ADAM7: variants seen among roughly 807,000 people sequenced by gnomAD.
ADAM7 encodes disintegrin and metalloproteinase domain-containing protein 7.
ADAM7 carries 97 observed loss-of-function variants against 102.9 expected under a neutral mutation model. The ratio of observed to expected loss-of-function variants is 0.94; its 90% CI spans 0.80 to 1.12. The LOEUF (loss-of-function observed/expected upper bound fraction) is 1.12, where lower values mean the gene tolerates loss of function less well. ADAM7 is among the 50% of genes most tolerant of loss of function. ADAM7 has a pLI of 0.00. For missense variants in ADAM7, 991 were observed against 908.7 expected, an observed-to-expected ratio of 1.09 and a Z score of -1.16; for synonymous variants, 334 against 304.4, an observed-to-expected ratio of 1.10 and a Z score of -1.01.
At position 24,487,266 on chromosome 8, in the gene ADAM7, A is replaced by T; in HGVS notation, c.1040A>T (p.Glu347Val). The T allele has an allele frequency of 6.2e-7, 1 of 1,613,964 alleles. No individual in the cohort carries two copies. Among genetic ancestry groups the T allele is most frequent in the Non-Finnish European group, 8.5e-7 (1 of 1,179,894 alleles). ...LGHNLGMQHDEFPCTCPSGKC... is the reference protein window; with the variant it reads ...LGHNLGMQHDVFPCTCPSGKC... ...CATAACCTTGGGATGCAGCATGACG[A>T]GTTCCCATGCACCTGTCCTTCAGGA... Residue 347 changes from glutamate (E) to valine (V), a missense_variant, in exon 11 of 22, where the codon GAG becomes GTG. Coordinates refer to ENST00000175238, the MANE Select transcript of ADAM7 (RefSeq NM_003817.4).
intron 16 of ADAM7, among the ~76,000 whole-genome samples, chr8:24,496,862 G>A (rs575853313): frequency 1.3e-5 from 2 of 152,300 alleles, no homozygotes; most frequent in Admixed American, 6.5e-5. Flanking sequence ...GTGGACTTTT[G>A]AGTTAATGCT....
intron 3 of ADAM7, among the ~76,000 whole-genome samples, chr8:24,460,618 A>T (rs946703368): frequency 1.3e-4 from 20 of 151,984 alleles, no homozygotes; most frequent in African/African-American, 4.8e-4. Context: ...ATTAAGTTAT[A>T]GTTAATGTCA....
intron 13 of ADAM7, 30 bp from the exon 14 acceptor site, chr8:24,491,873 G>T (rs1416642588): frequency 1.3e-6 from 2 of 1,543,288 alleles, no homozygotes; most frequent in Non-Finnish European, 1.7e-6. Flanking sequence ...AATGTATCCA[G>T]GATTTAGTCT....
In ADAM7 at chr8:24,463,882, G is replaced by C; in HGVS notation, c.234G>C (p.Arg78Ser). Residue 78 changes from arginine to serine, a missense_variant and splice_region_variant, in exon 4 of 22, where the codon AGG becomes AGC. Transcript: ENST00000175238. ...ACCACCTGTCTGCCCTCTTTTTCAG[G>C]GAGTTCCTAGGCTCAAATTACAGTG... ...KTLVLHLLRS[R>S]EFLGSNYSET... is the part of the protein sequence containing the mutation. The C allele has an allele frequency of 6.2e-7, 1 of 1,612,748 alleles. No individual in the cohort carries two copies. Among genetic ancestry groups the C allele is most frequent in the Non-Finnish European group, 8.5e-7 (1 of 1,179,232 alleles).
At chr8:24,492,238 T>C (rs1047473755) in intron 14 of ADAM7, 140 bp downstream of exon 14, 23 of 862,150 alleles carry the variant, frequency 2.7e-5, no homozygotes, top group Middle Eastern at 3.4e-4. Context: ...TTTCTCTGGA[T>C]ATTACCTGTC....
At chr8:24,486,488 G>A (rs182452781) in intron 10 of ADAM7, among the ~76,000 whole-genome samples, 1 of 152,164 alleles carries the variant, frequency 6.6e-6, no homozygotes, top group East Asian at 1.9e-4. Context: ...AGTACAAAGA[G>A]GACAATCAAT....
At chr8:24,465,454 A>C (rs1272398535) in intron 4 of ADAM7, among the ~76,000 whole-genome samples, 4 of 152,184 alleles carry the variant, frequency 2.6e-5, no homozygotes, top group African/African-American at 7.2e-5. Flanking sequence ...CAGACTATTA[A>C]ATTTGTAGAG....
At chr8:24,477,679 A>G (rs1819814377) in intron 8 of ADAM7, among the ~76,000 whole-genome samples, 1 of 152,004 alleles carries the variant, frequency 6.6e-6, no homozygotes, top group Non-Finnish European at 1.5e-5. Flanking sequence ...GATCATTCAA[A>G]TATTTCAAAG....
rs140400815 is a variant in ADAM7 at position 24,499,202 on chromosome 8, C to A, written c.1843-34C>A. On this transcript the variant is annotated intron_variant, in intron 16 of 21. Transcript: ENST00000175238. ...TTACAATTTCACATCAATTGTAAGT[C>A]ATTTTAATTCATGCTTGGTTACTTC... The A allele has an allele frequency of 3.2e-5, 48 of 1,483,124 alleles. No homozygotes were observed. In the African/African-American group the frequency reaches 4.1e-4, roughly 13 times the overall value. The allele number at this position is 1,483,124 out of a possible 1,614,324, so 91.9% of individuals were successfully genotyped here. A position where few individuals can be genotyped will look rare whatever the true frequency, so the allele number is the denominator to read the frequency against.
chr8:24,476,062 A>G, intron 7 of ADAM7: 2 of 426,244 alleles, frequency 4.7e-6, no homozygotes, highest in Non-Finnish European at 9.3e-6. Context: ...GTTCTTCGCC[A>G]TATAGATTGC....
chr8:24,491,034 A>G, intron 13 of ADAM7, 146 bp downstream of exon 13: 2 of 739,708 alleles, frequency 2.7e-6, no homozygotes, highest in Non-Finnish European at 4.5e-6. Context: ...TTCTTGTGAG[A>G]TGCTCCAACA....
intron 7 of ADAM7, among the ~76,000 whole-genome samples, chr8:24,472,689 G>T (rs1446542435): frequency 6.6e-6 from 1 of 151,884 alleles, no homozygotes. Context: ...TCCAACTAGA[G>T]AGATTAGAAA....
chr8:24,505,063 T>C (rs1820904121), intron 20 of ADAM7, among the ~76,000 whole-genome samples: 1 of 152,172 alleles, frequency 6.6e-6, no homozygotes, highest in Non-Finnish European at 1.5e-5. Context: ...AAATGAGAAA[T>C]TGTATGTAAA....
rs1464688532 is a variant in ADAM7 at position 24,501,513 on chromosome 8, A to G, written c.2145A>G (p.Gly715=). The G allele has an allele frequency of 6.2e-7, 1 of 1,608,902 alleles. No homozygotes were observed. The highest frequency in any genetic ancestry group is 1.7e-5 in the Admixed American group (1 of 58,548). ...PTETLGVENK[G]YFGDEQQIRT... Reference sequence around the variant, plus strand: ...AAACCCTGGGAGTGGAGAACAAAGGATACTTTGGTGATGAGCAGCAGATAA... The same window carrying G: ...AAACCCTGGGAGTGGAGAACAAAGGGTACTTTGGTGATGAGCAGCAGATAA... Residue 715 remains glycine (G), a synonymous_variant, in exon 20 of 22, where the codon GGA becomes GGG. Transcript: ENST00000175238.
chr8:24,499,953 A>T (rs10503761), intron 17 of ADAM7, among the ~76,000 whole-genome samples: 5,448 of 152,090 alleles, frequency 0.036, 334 homozygotes, highest in African/African-American at 0.12. Context: ...TGTCAGTATC[A>T]TTCTCTTATT....
chr8:24,458,526 T>C (rs1181566231), intron 3 of ADAM7, among the ~76,000 whole-genome samples: 1 of 152,212 alleles, frequency 6.6e-6, no homozygotes, highest in African/African-American at 2.4e-5. Flanking sequence ...GAAGCATTAG[T>C]AAATGAATTT....
chr8:24,449,409 G>A (rs1002177989), intron 3 of ADAM7, among the ~76,000 whole-genome samples: 133 of 152,316 alleles, frequency 8.7e-4, no homozygotes, highest in African/African-American at 2.7e-3. Flanking sequence ...GCCAGTGACG[G>A]TGAGCATTTT....
At chr8:24,462,293 A>C (rs567031282) in intron 3 of ADAM7, among the ~76,000 whole-genome samples, 2 of 152,340 alleles carry the variant, frequency 1.3e-5, no homozygotes, top group South Asian at 4.1e-4. Context: ...GTTTGTTTAC[A>C]GAACTGAGGA....
At chr8:24,489,100 C>T in intron 11 of ADAM7, 59 bp from the exon 12 acceptor site, 1 of 1,440,566 alleles carries the variant, frequency 6.9e-7, no homozygotes, top group Non-Finnish European at 9.3e-7. Context: ...TGCTCACAGC[C>T]ACTGTACCAC....
Sources: allele counts gnomAD v4.1 joint callset (sites outside exome capture counted in the v4.1 genomes callset), GRCh38; gene constraint gnomAD v4.1.1; transcripts MANE v1.5; gene names NCBI Gene and HGNC (gene_info 2026-07-23, HGNC 2026-07-21).